Variants in HIC1 observed in about 807,000 individuals in gnomAD.
The protein encoded by HIC1 is HIC ZBTB transcriptional repressor 1, also known as hypermethylated in cancer 1 protein.
HIC1 carries 9 observed loss-of-function variants against 26.4 expected under a neutral mutation model. The observed-to-expected ratio is 0.34, with a 90% CI of 0.21 to 0.59. The LOEUF is 0.59. HIC1 is among the 20% of genes least tolerant of loss of function. The pLI, the probability that HIC1 is intolerant of heterozygous loss-of-function variation, is 0.82. For synonymous variants in HIC1, 631 were observed against 523.1 expected, an observed-to-expected ratio of 1.21 and a Z score of -2.81; for missense variants, 965 against 1,075.7, an observed-to-expected ratio of 0.90 and a Z score of 1.44.
rs1300293628 is a variant in HIC1 at position 2,062,240 on chromosome 17, A to T, written c.*3405A>T. ...CCTGCTAAGTAACAGTAATCCATGT[A>T]TACAGGCGAAAGTCTCTAAGAGGAC... is the stretch of plus-strand genomic sequence containing the variant. On this transcript the variant is annotated 3_prime_UTR_variant, in exon 2 of 2. Coordinates refer to ENST00000619757, the MANE Select transcript of HIC1 (RefSeq NM_006497.4). 6.6e-6 allele frequency: 1 copy of T among 152,524 alleles called. No individual in the cohort carries two copies. Among genetic ancestry groups the T allele is most frequent in the Admixed American group, 6.5e-5 (1 of 15,308 alleles). The allele number at this position is 152,524 out of a possible 1,614,324, so 9.4% of individuals were successfully genotyped here. A position where few individuals can be genotyped will look rare whatever the true frequency, so the allele number is the denominator to read the frequency against.
chr17:2,058,206 C>T lies in HIC1; in HGVS notation c.1516C>T (p.His506Tyr). Residue 506 changes from histidine to tyrosine, a missense_variant, in exon 2 of 2, where the codon CAC becomes TAC. Transcript: ENST00000619757. ...SYKDPATLRQ[H>Y]EKTHWLTRPY... ...CAAGGACCCGGCCACGCTGCGGCAG[C>T]ACGAGAAGACGCACTGGCTGACCCG... 6.2e-7 allele frequency: 1 copy of T among 1,611,552 alleles called. No individual in the cohort carries two copies. The highest frequency in any genetic ancestry group is 8.5e-7 in the Non-Finnish European group (1 of 1,179,808).
At position 2,057,660 on chromosome 17, in the gene HIC1, G is replaced by T; in HGVS notation, c.970G>T (p.Asp324Tyr). The T allele has an allele frequency of 6.6e-7, 1 of 1,514,266 alleles. No individual in the cohort carries two copies. The highest frequency in any genetic ancestry group is 8.8e-7 in the Non-Finnish European group (1 of 1,138,940). 93.8% of individuals were successfully genotyped at this position (1,514,266 alleles called of 1,614,324 possible). The change falls in exon 2 of 2, where the codon GAC becomes TAC. Residue 324 changes from aspartate (D) to tyrosine (Y), a missense_variant. By Grantham distance (160) the Asp-to-Tyr change is radical (BLOSUM62 -3). Coordinates refer to ENST00000619757, the MANE Select transcript of HIC1 (RefSeq NM_006497.4). The stretch of plus-strand genomic sequence containing the variant: ...CGAGCCGGGCCTGGGTAGCTATGGC[G>T]ACGAGCTGGGCCGGGAGCGCGGCTC... ...KHEPGLGSYG[D>Y]ELGRERGSPS...
rs1258368633 is a variant in HIC1, at chr17:2,057,844, G to A, written c.1154G>A (p.Gly385Asp). The change falls in exon 2 of 2, where the codon GGT becomes GAT. Residue 385 changes from glycine (G) to aspartate (D), a missense_variant. Around this residue, in one of 6 missense-constraint regions of HIC1, gnomAD observed 526 missense variants for 525.0 expected, o/e 1.00. Coordinates refer to ENST00000619757, the MANE Select transcript of HIC1 (RefSeq NM_006497.4). ...TACAAGAGCAGCAGCGAGGAGACCG[G>A]TAGCAGCGAGGACCCCAGCCCGCCT... ...DDYKSSSEET[G>D]SSEDPSPPGG... 5 of 1,583,530 alleles carry A rather than the reference G, an allele frequency of 3.2e-6. No homozygotes were observed. The African/African-American group carries it at 6.7e-5, about 21-fold the overall frequency.
rs771619699 is a variant in HIC1 at position 2,058,073 on chromosome 17, C to T, written c.1383C>T (p.Ala461=). 1.3e-6 allele frequency: 2 copies of T among 1,581,514 alleles called. No homozygotes were observed. Among genetic ancestry groups the T allele is most frequent in the East Asian group, 2.3e-5 (1 of 43,440 alleles). The change falls in exon 2 of 2, where the codon GCC becomes GCT. Residue 461 remains alanine (A), a synonymous_variant. Coordinates refer to ENST00000619757, the MANE Select transcript of HIC1 (RefSeq NM_006497.4). Reference sequence around the variant, plus strand: ...CGGCCGAAGTGGCCGCTGGGGCCGCCGGCCTAGGGCCCCCTTTTGGAGGCG... The same window carrying T: ...CGGCCGAAGTGGCCGCTGGGGCCGCTGGCCTAGGGCCCCCTTTTGGAGGCG... ...AEAAEVAAGA[A]GLGPPFGGGG...
rs769891608 is a variant in HIC1, at chr17:2,058,855, C to A, written c.*20C>A. The A allele has an allele frequency of 5.6e-6, 8 of 1,418,194 alleles. No individual in the cohort carries two copies. In the African/African-American group the frequency reaches 1.1e-4, roughly 19 times the overall value. The allele number at this position is 1,418,194 out of a possible 1,614,324, so 87.9% of individuals were successfully genotyped here. Reference sequence around the variant, plus strand: ...ACCTAGAGCGCCCCTCGCCAGCCCGCTCTGTCGCTGCTGCGCGGCCCTGGC... The same window carrying A: ...ACCTAGAGCGCCCCTCGCCAGCCCGATCTGTCGCTGCTGCGCGGCCCTGGC... On this transcript the variant is annotated 3_prime_UTR_variant, in exon 2 of 2. Coordinates refer to ENST00000619757, the MANE Select transcript of HIC1 (RefSeq NM_006497.4).
intron 1 of HIC1, 118 bp from the exon 2 acceptor site, chr17:2,056,553 C>A: frequency 7.0e-7 from 1 of 1,418,764 alleles, no homozygotes; most frequent in Non-Finnish European, 9.4e-7. Flanking sequence ...GCCCAGGCCG[C>A]AGGGCTGATG....
rs1301891580 is a variant in HIC1 at position 2,055,779 on chromosome 17, C to G, written c.-21+541C>G. Among the ~76,000 whole-genome samples the G allele has an allele frequency of 6.6e-6, 1 of 151,760 alleles. No individual in the cohort carries two copies. Among genetic ancestry groups the G allele is most frequent in the Non-Finnish European group, 1.5e-5 (1 of 67,898 alleles). ...GAGCCGAGGGCCTGGGGCCGGCGCA[C>G]TCCTCCCGCCCTGTCTGCAGTTGGA... On this transcript the variant is annotated intron_variant, in intron 1 of 1. Transcript: ENST00000619757. The surrounding 1 kb of genome is among the most constrained non-coding windows in gnomAD (Gnocchi z 6.4).
rs769639379 is a variant in HIC1 at position 2,061,529 on chromosome 17, T to G, written c.*2694T>G. ...GGCCCACGTGAGGAAGGCTGGGATG[T>G]CCCGTACAGGAACATTCCTTGTGAG... On this transcript the variant is annotated 3_prime_UTR_variant, in exon 2 of 2. Transcript: ENST00000619757. The G allele has an allele frequency of 6.3e-7, 1 of 1,575,228 alleles. No homozygotes were observed. The highest frequency in any genetic ancestry group is 1.2e-5 in the South Asian group (1 of 86,068).
Position 2,059,036 on chromosome 17 carries a change from G to C in HIC1, c.*201G>C, listed in dbSNP as rs1258061365. 2.0e-6 allele frequency: 1 copy of C among 494,060 alleles called. No homozygotes were observed. Among genetic ancestry groups the C allele is most frequent in the South Asian group, 4.0e-5 (1 of 24,922 alleles). The allele number at this position is 494,060 out of a possible 1,614,324, so 30.6% of individuals were successfully genotyped here. On this transcript the variant is annotated 3_prime_UTR_variant, in exon 2 of 2. Transcript: ENST00000619757. ...GGGTCGGGGGAGAACCCCGGGACGGGGGTGGGATGGGGTAAGGGAAATTTA... is the reference window on the plus strand; with the variant it reads ...GGGTCGGGGGAGAACCCCGGGACGGCGGTGGGATGGGGTAAGGGAAATTTA...
At position 2,055,177 on chromosome 17, in the gene HIC1, G is replaced by C. The variant is rs2067660295; in HGVS notation, c.-82G>C. On this transcript the variant is annotated 5_prime_UTR_variant, in exon 1 of 2. Coordinates refer to ENST00000619757, the MANE Select transcript of HIC1 (RefSeq NM_006497.4). This position sits in a 1 kb window ranked among gnomAD's most constrained non-coding sequence, Gnocchi z 6.4. ...GGGGGCCCGGCGGGCGGAGGGCAGCGCAGCCACGTCCCCCCTGGATCCGCC... is the reference window on the plus strand; with the variant it reads ...GGGGGCCCGGCGGGCGGAGGGCAGCCCAGCCACGTCCCCCCTGGATCCGCC... 6.6e-6 allele frequency: 1 copy of C among 152,080 alleles called. No individual in the cohort carries two copies. Among genetic ancestry groups the C allele is most frequent in the Non-Finnish European group, 1.5e-5 (1 of 68,046 alleles). The allele number at this position is 152,080 out of a possible 1,614,324, so 9.4% of individuals were successfully genotyped here.
chr17:2,057,854 G>A lies in HIC1; in HGVS notation c.1164G>A (p.Glu388=), dbSNP rs760940477. 5.7e-6 allele frequency: 9 copies of A among 1,589,736 alleles called. No individual in the cohort carries two copies. The highest frequency in any genetic ancestry group is 7.7e-6 in the Non-Finnish European group (9 of 1,169,362). The change falls in exon 2 of 2, where the codon GAG becomes GAA. Residue 388 remains glutamate (E), a synonymous_variant. Coordinates refer to ENST00000619757, the MANE Select transcript of HIC1 (RefSeq NM_006497.4). ...GCAGCGAGGAGACCGGTAGCAGCGA[G>A]GACCCCAGCCCGCCTGGCGGCCACC... is the stretch of plus-strand genomic sequence containing the variant. ...KSSSEETGSS[E]DPSPPGGHLE... is the part of the protein sequence containing the mutation.
rs968722937 is a variant in HIC1 at position 2,058,809 on chromosome 17, A to G, written c.2119A>G (p.Thr707Ala). 1 of 1,496,638 alleles carries G rather than the reference A, an allele frequency of 6.7e-7. No individual in the cohort carries two copies. The highest frequency in any genetic ancestry group is 8.9e-7 in the Non-Finnish European group (1 of 1,129,688). 92.7% of individuals were successfully genotyped at this position (1,496,638 alleles called of 1,614,324 possible). A position where few individuals can be genotyped will look rare whatever the true frequency, so the allele number is the denominator to read the frequency against. ...CCTGGCGGCCGGGCCCGACGGCCGG[A>G]CCATCGACCGTTTCTCTCCCACCTA... is the stretch of plus-strand genomic sequence containing the variant. ...AHLAAGPDGR[T>A]IDRFSPT Residue 707 changes from threonine to alanine, a missense_variant, in exon 2 of 2, where the codon ACC becomes GCC. This residue lies in a region of HIC1 where 210 missense variants were observed against 179.2 expected (regional missense o/e 1.17). Coordinates refer to ENST00000619757, the MANE Select transcript of HIC1 (RefSeq NM_006497.4).
At position 2,058,712 on chromosome 17, in the gene HIC1, G is replaced by T; in HGVS notation, c.2022G>T (p.Pro674=). 3 of 1,538,464 alleles carry T rather than the reference G, an allele frequency of 1.9e-6. No homozygotes were observed. Among genetic ancestry groups the T allele is most frequent in the Non-Finnish European group, 1.7e-6 (2 of 1,146,688 alleles). ...DPKVALESLY[P]LAKFTAELGL... ...AGGTGGCGCTGGAGAGCCTCTACCCGCTGGCCAAGTTCACGGCCGAGCTGG... is the reference window on the plus strand; with the variant it reads ...AGGTGGCGCTGGAGAGCCTCTACCCTCTGGCCAAGTTCACGGCCGAGCTGG... Residue 674 remains proline (P), a synonymous_variant, in exon 2 of 2, where the codon CCG becomes CCT. Transcript: ENST00000619757.
At chr17:2,056,448 C>T in intron 1 of HIC1, 5 of 1,385,836 alleles carry the variant, frequency 3.6e-6, no homozygotes, top group Non-Finnish European at 4.1e-6. Context: ...CCTGGCCTCC[C>T]CTCCACCGGC....
In HIC1 at chr17:2,058,601, G is replaced by A. The variant is rs745719865; in HGVS notation, c.1911G>A (p.Thr637=). The A allele has an allele frequency of 3.0e-5, 47 of 1,550,726 alleles. No individual in the cohort carries two copies. Among genetic ancestry groups the A allele is most frequent in the Non-Finnish European group, 3.6e-5 (42 of 1,156,852 alleles). The change falls in exon 2 of 2, where the codon ACG becomes ACA. Residue 637 remains threonine, a synonymous_variant. Coordinates refer to ENST00000619757, the MANE Select transcript of HIC1 (RefSeq NM_006497.4). ...GCGTCTTTGCTGTGGCTCGCCTCAC[G>A]GCCGAGCAGCTGAGCCTGAAGCAGC... is the stretch of plus-strand genomic sequence containing the variant. ...PEGVFAVARL[T]AEQLSLKQQD...
Position 2,055,481 on chromosome 17 carries a change from G to C in HIC1, c.-21+243G>C, listed in dbSNP as rs1168834100. Among the ~76,000 whole-genome samples, 1 of 152,022 alleles carries C rather than the reference G, an allele frequency of 6.6e-6. No homozygotes were observed. Among genetic ancestry groups the C allele is most frequent in the African/African-American group, 2.4e-5 (1 of 41,418 alleles). On this transcript the variant is annotated intron_variant, in intron 1 of 1. Coordinates refer to ENST00000619757, the MANE Select transcript of HIC1 (RefSeq NM_006497.4). The surrounding 1 kb of genome is among the most constrained non-coding windows in gnomAD (Gnocchi z 6.4). Reference sequence around the variant, plus strand: ...GCCCGCACATGGGCTGGAGAGGCGAGGGGAAGGGAAGGGAAGGGGAGCTGG... The same window carrying C: ...GCCCGCACATGGGCTGGAGAGGCGACGGGAAGGGAAGGGAAGGGGAGCTGG...
chr17:2,056,721 T>C lies in HIC1; in HGVS notation c.31T>C (p.Ser11Pro). 1 of 1,609,008 alleles carries C rather than the reference T, an allele frequency of 6.2e-7. No individual in the cohort carries two copies. The highest frequency in any genetic ancestry group is 2.2e-5 in the East Asian group (1 of 44,726). The change falls in exon 2 of 2, where the codon TCC becomes CCC. Residue 11 changes from serine to proline, a missense_variant. By Grantham distance (74) the Ser-to-Pro change is moderately conservative. Coordinates refer to ENST00000619757, the MANE Select transcript of HIC1 (RefSeq NM_006497.4). Reference sequence around the variant, plus strand: ...GGACACGATGGAGGCGCCCGGCCACTCCAGGCAGCTGCTGCTGCAGCTCAA... The same window carrying C: ...GGACACGATGGAGGCGCCCGGCCACCCCAGGCAGCTGCTGCTGCAGCTCAA... MLDTMEAPGH[S>P]RQLLLQLNNQ...
At position 2,056,779 on chromosome 17, in the gene HIC1, T is replaced by C. The variant is rs765223557; in HGVS notation, c.89T>C (p.Val30Ala). The C allele has an allele frequency of 3.1e-6, 5 of 1,612,480 alleles. No homozygotes were observed. The highest frequency in any genetic ancestry group is 1.7e-6 in the Non-Finnish European group (2 of 1,179,662). Residue 30 changes from valine (V) to alanine (A), a missense_variant, in exon 2 of 2, where the codon GTG becomes GCG. Transcript: ENST00000619757. ...NQRTKGFLCD[V>A]IIVVQNALFR... is the part of the protein sequence containing the mutation. ...CGCACCAAGGGCTTCTTGTGCGACG[T>C]GATCATCGTGGTGCAGAACGCCCTC...
At position 2,058,493 on chromosome 17, in the gene HIC1, C is replaced by T; in HGVS notation, c.1803C>T (p.Gly601=). The part of the protein sequence containing the change: ...MKMHAVGGAA[G]AAGALAGLGG... ...TGCACGCCGTGGGGGGCGCGGCCGGCGCGGCCGGGGCGCTGGCGGGCTTGG... is the reference window on the plus strand; with the variant it reads ...TGCACGCCGTGGGGGGCGCGGCCGGTGCGGCCGGGGCGCTGGCGGGCTTGG... The change falls in exon 2 of 2, where the codon GGC becomes GGT. Residue 601 remains glycine (G), a synonymous_variant. Transcript: ENST00000619757. 6.8e-7 allele frequency: 1 copy of T among 1,479,200 alleles called. No homozygotes were observed. Among genetic ancestry groups the T allele is most frequent in the South Asian group, 1.4e-5 (1 of 71,012 alleles). The allele number at this position is 1,479,200 out of a possible 1,614,324, so 91.6% of individuals were successfully genotyped here. A position where few individuals can be genotyped will look rare whatever the true frequency, so the allele number is the denominator to read the frequency against.
Sources: allele counts gnomAD v4.1 joint callset (sites outside exome capture counted in the v4.1 genomes callset), GRCh38; gene constraint gnomAD v4.1.1; regional missense constraint gnomAD v4.1.1; non-coding constraint Gnocchi (gnomAD v3.1); transcripts MANE v1.5; gene names NCBI Gene and HGNC (gene_info 2026-07-23, HGNC 2026-07-21).